Variants in ARHGAP42 observed in about 807,000 individuals in gnomAD.
ARHGAP42 encodes rho GTPase-activating protein 42.
ARHGAP42 carries 63 observed loss-of-function variants against 125.0 expected under a neutral mutation model. That is an observed-to-expected ratio of 0.50 (90% CI 0.41 to 0.62). ARHGAP42 has a LOEUF of 0.62. ARHGAP42 is among the 20% of genes least tolerant of loss of function. The pLI, the probability that ARHGAP42 is intolerant of heterozygous loss-of-function variation, is 0.00. For missense variants in ARHGAP42, 766 were observed against 1,024.2 expected, an observed-to-expected ratio of 0.75 and a Z score of 3.44; for synonymous variants, 339 against 351.0, an observed-to-expected ratio of 0.97 and a Z score of 0.38.
chr11:100,951,380 G>A (rs2135285482), intron 12 of ARHGAP42, among the ~76,000 whole-genome samples: 1 of 152,186 alleles, frequency 6.6e-6, no homozygotes, highest in East Asian at 1.9e-4. Flanking sequence ...TGAGAGTTTT[G>A]TATGTACTGA....
At chr11:100,812,090 C>T (rs879905619) in intron 3 of ARHGAP42, among the ~76,000 whole-genome samples, 19 of 152,244 alleles carry the variant, frequency 1.2e-4, no homozygotes, top group Admixed American at 1.1e-3. Flanking sequence ...TATGAGCCAC[C>T]GTGCCTGTCC....
chr11:100,877,612 A>C (rs573605313), intron 4 of ARHGAP42, among the ~76,000 whole-genome samples: 1 of 152,200 alleles, frequency 6.6e-6, no homozygotes, highest in Non-Finnish European at 1.5e-5. Flanking sequence ...CAGAGGAAAA[A>C]ACACAGGGTT....
At chr11:100,981,748 A>G (rs1041408825) in intron 22 of ARHGAP42, among the ~76,000 whole-genome samples, 36 of 152,334 alleles carry the variant, frequency 2.4e-4, no homozygotes, top group African/African-American at 8.2e-4. Flanking sequence ...TCAGGAGAGT[A>G]GCAAAGGGAT....
chr11:100,757,286 A>C (rs888363957), intron 1 of ARHGAP42, among the ~76,000 whole-genome samples: 1 of 152,226 alleles, frequency 6.6e-6, no homozygotes, highest in African/African-American at 2.4e-5. Context: ...TGATTTTGAC[A>C]TGGCAGATTG....
chr11:100,841,022 C>T (rs1864934302), intron 3 of ARHGAP42, among the ~76,000 whole-genome samples: 1 of 152,120 alleles, frequency 6.6e-6, no homozygotes, highest in African/African-American at 2.4e-5. Flanking sequence ...TGTAGTATAA[C>T]TTTGACATGT....
At chr11:100,708,970 G>C (rs1210786981) in intron 1 of ARHGAP42, among the ~76,000 whole-genome samples, 52 of 152,194 alleles carry the variant, frequency 3.4e-4, no homozygotes, top group Non-Finnish European at 4.4e-5. Context: ...TGATTTGTCT[G>C]TCTGTCTCTC....
chr11:100,941,674 A>AT, intron 8 of ARHGAP42, 110 bp from the exon 9 acceptor site: 2 of 584,722 alleles, frequency 3.4e-6, no homozygotes, highest in Admixed American at 4.2e-5. Flanking sequence ...ACAAACTAGC[A>AT]TGGTATAGGA....
chr11:100,948,616 A>T, intron 11 of ARHGAP42, 81 bp downstream of exon 11: 1 of 1,128,070 alleles, frequency 8.9e-7, no homozygotes, highest in Non-Finnish European at 1.3e-6. Flanking sequence ...CATAGTATAC[A>T]ATGTTTTGCC....
intron 6 of ARHGAP42, among the ~76,000 whole-genome samples, chr11:100,925,028 C>T (rs1022706617): frequency 4.0e-5 from 6 of 151,890 alleles, no homozygotes; most frequent in Non-Finnish European, 7.4e-5. Context: ...GACAGGGTTT[C>T]ACCATGTTGG....
intron 4 of ARHGAP42, among the ~76,000 whole-genome samples, chr11:100,912,305 TC>T (rs1239952276): frequency 6.6e-6 from 1 of 152,288 alleles, no homozygotes; most frequent in African/African-American, 2.4e-5. Flanking sequence ...CGTCTGTGCA[TC>T]TATTCATTGA....
chr11:100,895,668 C>G (rs1051821770), intron 4 of ARHGAP42, among the ~76,000 whole-genome samples: 2 of 151,726 alleles, frequency 1.3e-5, no homozygotes, highest in African/African-American at 4.8e-5. Flanking sequence ...CTGGGAACTT[C>G]CCCTAAATGT....
At chr11:100,841,875 A>G (rs926494169) in intron 3 of ARHGAP42, among the ~76,000 whole-genome samples, 13 of 152,058 alleles carry the variant, frequency 8.5e-5, no homozygotes, top group Admixed American at 3.3e-4. Flanking sequence ...TTTTTGCCAC[A>G]TCATCTTGTT....
At chr11:100,974,795 A>G (rs1858346263) in intron 19 of ARHGAP42, among the ~76,000 whole-genome samples, 192 bp downstream of exon 19, 1 of 152,122 alleles carries the variant, frequency 6.6e-6, no homozygotes, top group South Asian at 2.1e-4. Flanking sequence ...CATTATTGAT[A>G]CAAAAAGGAA....
rs536676046 is a variant in ARHGAP42, at chr11:100,941,779, A to T, written c.833-5A>T. ...ATCTGAAATTTTTTTGTTTCCTTAC[A>T]TTAGGACCGCTTGGTTTTACATGGA... On this transcript the variant is annotated splice_region_variant and splice_polypyrimidine_tract_variant and intron_variant, in intron 8 of 23. Coordinates refer to ENST00000298815, the MANE Select transcript of ARHGAP42 (RefSeq NM_152432.4). The T allele has an allele frequency of 2.7e-6, 4 of 1,501,616 alleles. No homozygotes were observed. Among genetic ancestry groups the T allele is most frequent in the African/African-American group, 2.9e-5 (2 of 70,042 alleles). 93.0% of individuals were successfully genotyped at this position (1,501,616 alleles called of 1,614,324 possible). A position where few individuals can be genotyped will look rare whatever the true frequency, so the allele number is the denominator to read the frequency against.
At chr11:100,907,235 G>A (rs563336764) in intron 4 of ARHGAP42, among the ~76,000 whole-genome samples, 1 of 152,338 alleles carries the variant, frequency 6.6e-6, no homozygotes, top group South Asian at 2.1e-4. Flanking sequence ...TAATGAATGA[G>A]TTTGAACAAC....
intron 1 of ARHGAP42, among the ~76,000 whole-genome samples, chr11:100,764,197 C>T (rs1862778339): frequency 1.3e-5 from 2 of 152,012 alleles, no homozygotes; most frequent in Non-Finnish European, 2.9e-5. Context: ...GATTTTAAAT[C>T]ATTTTTTGTA....
chr11:100,833,573 G>T (rs1360170941), intron 3 of ARHGAP42, among the ~76,000 whole-genome samples: 1 of 152,126 alleles, frequency 6.6e-6, no homozygotes, highest in East Asian at 1.9e-4. Context: ...AACAATAGAA[G>T]GATGATATAT....
chr11:100,797,125 T>C (rs1164992181), intron 3 of ARHGAP42, among the ~76,000 whole-genome samples: 2 of 152,162 alleles, frequency 1.3e-5, no homozygotes, highest in Non-Finnish European at 2.9e-5. Context: ...GAAGAAGAGT[T>C]TGGAGCTAGT....
chr11:100,827,700 C>T (rs1324178835), intron 3 of ARHGAP42, among the ~76,000 whole-genome samples: 3 of 152,192 alleles, frequency 2.0e-5, no homozygotes. Flanking sequence ...GTTGTGGAGG[C>T]CTACTAAGGA....
Sources: gnomAD v4.1 joint callset for allele counts (sites outside exome capture counted in the v4.1 genomes callset) on GRCh38, gnomAD v4.1.1 for gene constraint, MANE v1.5 for transcripts, NCBI Gene and HGNC (gene_info 2026-07-23, HGNC 2026-07-21) for gene names.